Variants in NEK11 observed in about 807,000 individuals in gnomAD.
The protein encoded by NEK11 is serine/threonine-protein kinase Nek11.
In NEK11, 72 loss-of-function variants were observed where a neutral mutation model predicts 80.7. That is an observed-to-expected ratio of 0.89 (90% confidence interval 0.74 to 1.08). NEK11 has a LOEUF of 1.08. Among genes scored for constraint, NEK11 ranks in the 50% least tolerant of loss-of-function variants. The probability of loss-of-function intolerance (pLI) is 0.00; values close to 1 mark genes in which losing one functional copy is unlikely to be tolerated. For synonymous variants in NEK11, 251 were observed against 260.7 expected (o/e 0.96, Z 0.36); for missense variants, 764 against 763.6 (o/e 1.00, Z -0.01).
chr3:131,075,062 A>G (rs2074112750), intron 3 of NEK11, among the ~76,000 whole-genome samples: 1 of 152,178 alleles, frequency 6.6e-6, no homozygotes, highest in Non-Finnish European at 1.5e-5. Context: ...GATGTCTGCC[A>G]TGGGCACCTA....
In NEK11 at chr3:131,167,340, G is replaced by T. The variant is rs111943333; in HGVS notation, c.1177-1490G>T. On this transcript the variant is annotated intron_variant, in intron 12 of 17. Transcript: ENST00000383366. ...TCCCCCTAAGATTGAAAATTGAGAA[G>T]TACAGGCATGGTATTATTTTGTTCT... Among the ~76,000 whole-genome samples, 392 of 152,228 alleles carry T rather than the reference G, an allele frequency of 2.6e-3. 1 individual carries two copies. Among genetic ancestry groups the T allele is most frequent in the African/African-American group, 8.8e-3 (366 of 41,514 alleles).
intron 14 of NEK11, among the ~76,000 whole-genome samples, chr3:131,217,138 A>G (rs76094245): frequency 0.01 from 1,576 of 152,344 alleles, 23 homozygotes; most frequent in African/African-American, 0.035. Context: ...CATAACTCTG[A>G]TAAACTATTT....
intron 17 of NEK11, among the ~76,000 whole-genome samples, chr3:131,335,939 C>G (rs1035443905): frequency 2.6e-5 from 4 of 152,070 alleles, no homozygotes; most frequent in Non-Finnish European, 5.9e-5. Context: ...TCAAGGAGAA[C>G]TACAAACCAC....
intron 16 of NEK11, among the ~76,000 whole-genome samples, chr3:131,246,936 T>C (rs1244747524): frequency 6.6e-6 from 1 of 152,138 alleles, no homozygotes; most frequent in Non-Finnish European, 1.5e-5. Context: ...TCTACTTATG[T>C]CCTTAGCCCA....
At chr3:131,160,768 G>A (rs1185028465) in intron 10 of NEK11, among the ~76,000 whole-genome samples, 2 of 152,122 alleles carry the variant, frequency 1.3e-5, no homozygotes, top group African/African-American at 4.8e-5. Context: ...AAAAGCAGGG[G>A]TTGCTGTTCT....
intron 7 of NEK11, 110 bp from the exon 8 acceptor site, chr3:131,152,278 T>C: frequency 3.6e-6 from 3 of 833,320 alleles, no homozygotes; most frequent in Non-Finnish European, 5.6e-6. Flanking sequence ...CTACTGATTG[T>C]ATGTTTGTGC....
At chr3:131,131,021 C>T (rs934495355) in intron 5 of NEK11, among the ~76,000 whole-genome samples, 16 of 152,136 alleles carry the variant, frequency 1.1e-4, no homozygotes, top group Non-Finnish European at 2.1e-4. Flanking sequence ...AGGCTGGTGT[C>T]GAACTCCTGA....
chr3:131,057,515 G>A (rs1447616800), intron 3 of NEK11, among the ~76,000 whole-genome samples: 6 of 151,256 alleles, frequency 4.0e-5, no homozygotes, highest in Non-Finnish European at 8.9e-5. Flanking sequence ...CAGTGTAAAA[G>A]TGTTCCTATT....
chr3:131,341,159 A>G (rs1287465211), intron 17 of NEK11, among the ~76,000 whole-genome samples: 1 of 152,240 alleles, frequency 6.6e-6, no homozygotes, highest in East Asian at 1.9e-4. Context: ...GCATCATTGC[A>G]GAATATAGTG....
intron 10 of NEK11, 63 bp downstream of exon 10, chr3:131,155,184 A>T (rs965078151): frequency 4.4e-5 from 48 of 1,093,946 alleles, no homozygotes; most frequent in Non-Finnish European, 6.3e-5. Context: ...ATTTGTCTTT[A>T]AAAATCTATT....
intron 17 of NEK11, among the ~76,000 whole-genome samples, chr3:131,278,101 C>T (rs1054254835): frequency 1.3e-5 from 2 of 152,100 alleles, no homozygotes; most frequent in Non-Finnish European, 2.9e-5. Context: ...TTTTAGCATG[C>T]GAAAAGTGCT....
intron 15 of NEK11, among the ~76,000 whole-genome samples, chr3:131,238,678 A>C (rs2095473539): frequency 6.6e-6 from 1 of 152,166 alleles, no homozygotes; most frequent in African/African-American, 2.4e-5. Context: ...CTGGGAGAAG[A>C]GTGCTTCACA....
At chr3:131,326,706 C>T (rs557035730) in intron 17 of NEK11, among the ~76,000 whole-genome samples, 1 of 152,318 alleles carries the variant, frequency 6.6e-6, no homozygotes, top group East Asian at 1.9e-4. Context: ...AGCCACATCC[C>T]TTCCCATGAA....
intron 4 of NEK11, among the ~76,000 whole-genome samples, chr3:131,081,985 T>G (rs2075342252): frequency 6.6e-6 from 1 of 152,220 alleles, no homozygotes. Context: ...AAATATTCCA[T>G]GTCTTGGCCA....
intron 14 of NEK11, among the ~76,000 whole-genome samples, chr3:131,208,322 T>C (rs936521942): frequency 1.8e-4 from 27 of 152,222 alleles, no homozygotes; most frequent in African/African-American, 6.5e-4. Flanking sequence ...CAATGATCTA[T>C]ATCTCTGTTT....
At chr3:131,287,604 T>G (rs771452376) in intron 17 of NEK11, among the ~76,000 whole-genome samples, 2 of 152,126 alleles carry the variant, frequency 1.3e-5, no homozygotes, top group Non-Finnish European at 2.9e-5. Flanking sequence ...TACTTGTATC[T>G]AAGATTTTTA....
chr3:131,127,506 A>G (rs1262892705), intron 5 of NEK11, among the ~76,000 whole-genome samples: 1 of 151,098 alleles, frequency 6.6e-6, no homozygotes, highest in East Asian at 1.9e-4. Flanking sequence ...TATATAGAAA[A>G]TATATAGAAT....
At chr3:131,173,847 G>C (rs1188856808) in intron 14 of NEK11, among the ~76,000 whole-genome samples, 1 of 151,938 alleles carries the variant, frequency 6.6e-6, no homozygotes, top group Non-Finnish European at 1.5e-5. Context: ...ACAGTGTGTT[G>C]ATTTACCAGC....
chr3:131,037,406 C>T (rs1299494561), intron 3 of NEK11, among the ~76,000 whole-genome samples: 10 of 151,928 alleles, frequency 6.6e-5, no homozygotes, highest in African/African-American at 2.4e-4. Flanking sequence ...ACCTCAGCCT[C>T]CTGCATAGCT....
Sources: allele counts gnomAD v4.1 joint callset (sites outside exome capture counted in the v4.1 genomes callset), GRCh38; gene constraint gnomAD v4.1.1; transcripts MANE v1.5; gene names NCBI Gene and HGNC (gene_info 2026-07-23, HGNC 2026-07-21).